TRAF3IP2: variants seen among roughly 807,000 people sequenced by gnomAD.
TRAF3IP2 encodes the protein TRAF3 interacting protein 2, also known as E3 ubiquitin ligase TRAF3IP2.
In TRAF3IP2, 35 loss-of-function variants were observed where a neutral mutation model predicts 57.9. The observed-to-expected ratio is 0.60, with a 90% confidence interval of 0.46 to 0.80. The LOEUF is 0.80. Among genes scored for constraint, TRAF3IP2 ranks in the 30% least tolerant of loss-of-function variants. TRAF3IP2 has a pLI of 0.00. For synonymous variants in TRAF3IP2, 251 were observed against 268.9 expected, an observed-to-expected ratio of 0.93 and a Z score of 0.65; for missense variants, 556 against 706.4, an observed-to-expected ratio of 0.79 and a Z score of 2.41.
In TRAF3IP2 at chr6:111,592,022, G is replaced by A. The variant is rs764151722; in HGVS notation, c.65C>T (p.Pro22Leu). ...SEPYPSQLLK[P>L]IPEYSPEEES... is the part of the protein sequence containing the mutation. ...CTCTTCCGGGGAATATTCTGGGATT[G>A]GTTTCAGCAACTGACTTGGGTATGG... The change falls in exon 2 of 9, where the codon CCA (proline) becomes CTA (leucine). Residue 22 changes from proline to leucine, a missense_variant. Coordinates refer to ENST00000368761, the MANE Select transcript of TRAF3IP2 (RefSeq NM_147686.4). The A allele has an allele frequency of 1.2e-6, 2 of 1,614,198 alleles. No individual in the cohort carries two copies. The highest frequency in any genetic ancestry group is 1.7e-6 in the Non-Finnish European group (2 of 1,180,034).
At chr6:111,575,228 A>G (rs1185017362) in intron 4 of TRAF3IP2, among the ~76,000 whole-genome samples, 1 of 152,112 alleles carries the variant, frequency 6.6e-6, no homozygotes, top group Non-Finnish European at 1.5e-5. Flanking sequence ...CTGTCTTAAA[A>G]AAAAGGAAAA....
intron 1 of TRAF3IP2, among the ~76,000 whole-genome samples, chr6:111,596,625 TG>T (rs1423323934): frequency 6.6e-6 from 1 of 152,206 alleles, no homozygotes; most frequent in Non-Finnish European, 1.5e-5. Context: ...GGCTAATTTT[TG>T]TATTTTTAGT....
chr6:111,590,695 G>A (rs1001519436), intron 2 of TRAF3IP2, among the ~76,000 whole-genome samples: 8 of 152,178 alleles, frequency 5.3e-5, no homozygotes, highest in Admixed American at 6.5e-5. Context: ...TGGCTGGAAT[G>A]TAGGGTAGCT....
In TRAF3IP2 at chr6:111,563,317, A is replaced by G. The variant is rs542699043; in HGVS notation, c.1477-278T>C. 1.3e-3 allele frequency among the ~76,000 whole-genome samples: 203 copies of G among 152,330 alleles called. 1 individual carries two copies. The highest frequency in any genetic ancestry group is 4.6e-3 in the African/African-American group (191 of 41,568). Reference sequence around the variant, plus strand: ...CTGGAACTGGCTTGCAGCAGCTCACAAAAGCTTGTTGTGTGCATCTCTTCC... The same window carrying G: ...CTGGAACTGGCTTGCAGCAGCTCACGAAAGCTTGTTGTGTGCATCTCTTCC... On this transcript the variant is annotated intron_variant, in intron 7 of 8. Coordinates refer to ENST00000368761, the MANE Select transcript of TRAF3IP2 (RefSeq NM_147686.4).
chr6:111,565,345 C>G (rs1230820895), intron 7 of TRAF3IP2: 1 of 152,282 alleles, frequency 6.6e-6, no homozygotes, highest in Non-Finnish European at 1.5e-5. Context: ...CTTAGTGACA[C>G]TCTATGCCCA....
chr6:111,595,818 ACT>A (rs2128384347), intron 1 of TRAF3IP2, among the ~76,000 whole-genome samples: 1 of 144,810 alleles, frequency 6.9e-6, no homozygotes, highest in East Asian at 2.0e-4. Context: ...ACACAGCGAG[ACT>A]CTGTCTCAAA....
At position 111,595,210 on chromosome 6, in the gene TRAF3IP2, G is replaced by T. The variant is rs1008941583; in HGVS notation, c.-8-3116C>A. Among the ~76,000 whole-genome samples the T allele has an allele frequency of 9.9e-5, 15 of 152,234 alleles. No homozygotes were observed. In the South Asian group the frequency reaches 3.1e-3, roughly 32 times the overall value. On this transcript the variant is annotated intron_variant, in intron 1 of 8. Transcript: ENST00000368761. ...TCACAACTGTTGTACCCCAGCCTGG[G>T]CAACAGGAGCGAAACTCTGTCTCAA...
intron 6 of TRAF3IP2, chr6:111,567,227 T>C (rs959881179): frequency 9.9e-7 from 1 of 1,008,102 alleles, no homozygotes; most frequent in Non-Finnish European, 1.2e-6. Flanking sequence ...TCGGGGGTGG[T>C]GTGCTGTGCA....
chr6:111,592,195 TTAACAG>T (rs1796547763), intron 1 of TRAF3IP2, 101 bp from the exon 2 acceptor site: 1 of 1,027,374 alleles, frequency 9.7e-7, no homozygotes, highest in Non-Finnish European at 1.4e-6. Context: ...GTGGTTTAAA[TTAACAG>T]TGAGACACCA....
intron 5 of TRAF3IP2, among the ~76,000 whole-genome samples, chr6:111,570,910 C>CT (rs1286679500): frequency 2.7e-5 from 4 of 150,600 alleles, no homozygotes; most frequent in South Asian, 2.1e-4. Context: ...TTCTTTTTTT[C>CT]TTTTTTTTGG....
Position 111,575,782 on chromosome 6 carries a change from A to G in TRAF3IP2, c.1062T>C (p.Ala354=), listed in dbSNP as rs764269377. 1.2e-6 allele frequency: 2 copies of G among 1,610,078 alleles called. No homozygotes were observed. The part of the protein sequence containing the change: ...PHHQPPNRAG[A]PGESLECPAE... ...CAGGGCACTCCAAGGACTCCCCAGG[A>G]GCACCAGCTCTATTAGGTGGCTGGT... The change falls in exon 4 of 9, where the codon GCT becomes GCC. Residue 354 remains alanine (A), a synonymous_variant. Coordinates refer to ENST00000368761, the MANE Select transcript of TRAF3IP2 (RefSeq NM_147686.4).
chr6:111,582,141 C>T (rs1367359382), intron 2 of TRAF3IP2, among the ~76,000 whole-genome samples: 1 of 152,214 alleles, frequency 6.6e-6, no homozygotes, highest in Non-Finnish European at 1.5e-5. Flanking sequence ...AGTGCCTAGA[C>T]TCAGGAAACT....
intron 8 of TRAF3IP2, 152 bp from the exon 9 acceptor site, chr6:111,559,703 G>T: frequency 1.1e-6 from 1 of 891,666 alleles, no homozygotes; most frequent in Non-Finnish European, 1.7e-6. Context: ...TTTTGGAAAG[G>T]TTTAGCATGT....
In TRAF3IP2 at chr6:111,562,963, A is replaced by C; in HGVS notation, c.1551+2T>G. ...GAGGATTTTGTTTCTTTGTTTGTTTACCTTCTTAGCATTTGGGAAGAGCAC... is the reference window on the plus strand; with the variant it reads ...GAGGATTTTGTTTCTTTGTTTGTTTCCCTTCTTAGCATTTGGGAAGAGCAC... On this transcript the variant is annotated splice_donor_variant, in intron 8 of 8. Transcript: ENST00000368761. LOFTEE classifies it high-confidence loss of function. 6.2e-7 allele frequency: 1 copy of C among 1,608,136 alleles called. No individual in the cohort carries two copies. The highest frequency in any genetic ancestry group is 8.5e-7 in the Non-Finnish European group (1 of 1,177,050).
At chr6:111,580,763 C>T (rs189991382) in intron 2 of TRAF3IP2, among the ~76,000 whole-genome samples, 1 of 152,304 alleles carries the variant, frequency 6.6e-6, no homozygotes, top group African/African-American at 2.4e-5. Context: ...GTCCCGAACC[C>T]AAGGCTAGGA....
intron 1 of TRAF3IP2, among the ~76,000 whole-genome samples, chr6:111,593,135 G>T (rs1796571766): frequency 6.6e-6 from 1 of 152,208 alleles, no homozygotes. Context: ...AGCAACTGGG[G>T]GTTTGCAGGA....
chr6:111,559,534 C>T lies in TRAF3IP2; in HGVS notation c.1569G>A (p.Trp523Ter), dbSNP rs777500416. ...PNAKKEHVPTWLQNTHVYSWP... is the reference protein window; with the variant it reads ...PNAKKEHVPT Reference sequence around the variant, plus strand: ...AGCTGTAGACATGAGTGTTCTGAAGCCAGGTGGGCACATGCTCCTATGGGA... The same window carrying T: ...AGCTGTAGACATGAGTGTTCTGAAGTCAGGTGGGCACATGCTCCTATGGGA... Residue 523 changes from tryptophan to a stop codon, truncating the protein, a stop_gained, in exon 9 of 9, where the codon TGG (tryptophan) becomes TGA (stop). Transcript: ENST00000368761. LOFTEE classifies it high-confidence loss of function. The T allele has an allele frequency of 6.2e-7, 1 of 1,614,066 alleles. No homozygotes were observed. Among genetic ancestry groups the T allele is most frequent in the Non-Finnish European group, 8.5e-7 (1 of 1,179,996 alleles).
At chr6:111,570,248 G>C (rs757294780) in intron 5 of TRAF3IP2, among the ~76,000 whole-genome samples, 1 of 152,112 alleles carries the variant, frequency 6.6e-6, no homozygotes, top group Non-Finnish European at 1.5e-5. Flanking sequence ...AAATTTCTAC[G>C]CTTAAGCCAC....
chr6:111,587,970 G>A (rs1796390927), intron 2 of TRAF3IP2, among the ~76,000 whole-genome samples: 1 of 152,178 alleles, frequency 6.6e-6, no homozygotes, highest in Admixed American at 6.5e-5. Context: ...AAGTGAAACT[G>A]CTGGGCCAAA....
Sources: allele counts gnomAD v4.1 joint callset (sites outside exome capture counted in the v4.1 genomes callset), GRCh38; gene constraint gnomAD v4.1.1; transcripts MANE v1.5; gene names NCBI Gene and HGNC (gene_info 2026-07-23, HGNC 2026-07-21).